Variants in FOXP2 observed in about 807,000 individuals in gnomAD.
The protein encoded by FOXP2 is forkhead box P2.
A neutral mutation model predicts 115.8 loss-of-function variants in FOXP2; 12 were observed. The ratio of observed to expected loss-of-function variants is 0.10; its 90% CI spans 0.07 to 0.17. The LOEUF is 0.17. Ranked by LOEUF, FOXP2 falls within the 10% of genes least tolerant of loss-of-function variation. The pLI is 1.00. For synonymous variants in FOXP2, 328 were observed against 297.7 expected (o/e 1.10, Z -1.05); for missense variants, 629 against 843.5 (o/e 0.75, Z 3.15).
At chr7:114,120,467 G>A (rs941592173) in intron 1 of FOXP2, among the ~76,000 whole-genome samples, 1 of 152,092 alleles carries the variant, frequency 6.6e-6, no homozygotes, top group Non-Finnish European at 1.5e-5. Context: ...GAAAACGAGA[G>A]TATGGTAAGA....
intron 2 of FOXP2, among the ~76,000 whole-genome samples, chr7:114,453,868 C>A (rs1212294600): frequency 6.6e-6 from 1 of 152,014 alleles, no homozygotes; most frequent in Non-Finnish European, 1.5e-5. Flanking sequence ...AAAATCAATT[C>A]AAGATGGATT....
chr7:114,313,724 G>T, intron 2 of FOXP2, among the ~76,000 whole-genome samples: 1 of 43,870 alleles, frequency 2.3e-5, no homozygotes, highest in Non-Finnish European at 3.6e-5. Context: ...CAGCCTGGGC[G>T]ACAGAGCGAG....
intron 2 of FOXP2, chr7:114,499,029 C>G: frequency 2.9e-6 from 2 of 700,704 alleles, no homozygotes; most frequent in Admixed American, 4.1e-5. Context: ...TGCACATTCT[C>G]AGGCCACTCC....
chr7:114,663,657 T>C, intron 15 of FOXP2, 138 bp downstream of exon 15: 2 of 701,380 alleles, frequency 2.9e-6, no homozygotes, highest in Non-Finnish European at 2.5e-6. Flanking sequence ...CCTAGTACTA[T>C]AGACAGCACT....
intron 1 of FOXP2, among the ~76,000 whole-genome samples, chr7:114,204,055 T>G (rs1201967020): frequency 1.3e-5 from 2 of 152,072 alleles, no homozygotes; most frequent in East Asian, 3.9e-4. Flanking sequence ...TTTAAACAAA[T>G]TTTTTTTCTG....
chr7:114,660,063 T>C (rs1260483696), intron 13 of FOXP2, among the ~76,000 whole-genome samples: 1 of 152,212 alleles, frequency 6.6e-6, no homozygotes, highest in African/African-American at 2.4e-5. Context: ...TGTCTTGGTC[T>C]GCGCCTTTTG....
At chr7:114,202,684 C>A (rs1004008570) in intron 1 of FOXP2, among the ~76,000 whole-genome samples, 2 of 152,074 alleles carry the variant, frequency 1.3e-5, no homozygotes, top group African/African-American at 4.8e-5. Flanking sequence ...TTAAATCATG[C>A]CTTTGTGCTA....
intron 1 of FOXP2, among the ~76,000 whole-genome samples, chr7:114,184,227 C>T (rs908662284): frequency 2.0e-5 from 3 of 152,048 alleles, no homozygotes; most frequent in Non-Finnish European, 2.9e-5. Context: ...ATGCCCATTT[C>T]TGAGTTGGTT....
chr7:114,208,766 C>G (rs931114992), intron 1 of FOXP2, among the ~76,000 whole-genome samples: 4 of 152,054 alleles, frequency 2.6e-5, no homozygotes, highest in Admixed American at 1.3e-4. Context: ...GAGTTTTCCT[C>G]CACAAGCTCT....
At chr7:114,349,450 A>G (rs1038538939) in intron 2 of FOXP2, among the ~76,000 whole-genome samples, 1 of 152,128 alleles carries the variant, frequency 6.6e-6, no homozygotes, top group African/African-American at 2.4e-5. Flanking sequence ...AAATATCCAG[A>G]GCCAGTATTT....
Position 114,658,153 on chromosome 7 carries a change from G to A in FOXP2, c.1354G>A (p.Ala452Thr), listed in dbSNP as rs1806686875. 1.2e-6 allele frequency: 2 copies of A among 1,613,728 alleles called. No individual in the cohort carries two copies. The highest frequency in any genetic ancestry group is 1.7e-5 in the Admixed American group (1 of 59,976). Reference sequence around the variant, plus strand: ...ACCTCAAACCCCTACCACACCAACGGCCCCAGTCACCCCGATTACCCAGGG... The same window carrying A: ...ACCTCAAACCCCTACCACACCAACGACCCCAGTCACCCCGATTACCCAGGG... ...SLPQTPTTPT[A>T]PVTPITQGPS... is the part of the protein sequence containing the mutation. The change falls in exon 11 of 17, where the codon GCC becomes ACC. Residue 452 changes from alanine (A) to threonine (T), a missense_variant. Around this residue, in one of 9 missense-constraint regions of FOXP2, gnomAD observed 101 missense variants for 116.0 expected, o/e 0.87. Transcript: ENST00000350908.
chr7:114,229,545 A>G (rs975291343), intron 1 of FOXP2, among the ~76,000 whole-genome samples: 12 of 151,730 alleles, frequency 7.9e-5, no homozygotes, highest in African/African-American at 1.9e-4. Flanking sequence ...AATACCAAAT[A>G]TCTTTTCTGA....
intron 16 of FOXP2, among the ~76,000 whole-genome samples, chr7:114,688,226 CACACACACACA>C (rs1808473650): frequency 8.6e-6 from 1 of 115,802 alleles, no homozygotes; most frequent in Non-Finnish European, 2.1e-5. Context: ...CACACACACA[CACACACACACA>C]CACACACACA....
intron 1 of FOXP2, among the ~76,000 whole-genome samples, chr7:114,283,853 T>C (rs1188982009): frequency 1.3e-5 from 2 of 151,880 alleles, no homozygotes; most frequent in Non-Finnish European, 1.5e-5. Context: ...TCCCAGCTAC[T>C]TGTGGGGGCT....
intron 2 of FOXP2, among the ~76,000 whole-genome samples, chr7:114,406,712 G>A (rs1262278945): frequency 6.6e-6 from 1 of 151,928 alleles, no homozygotes; most frequent in Non-Finnish European, 1.5e-5. Flanking sequence ...TTTCTAGAGA[G>A]AGGAAGAGTA....
intron 1 of FOXP2, among the ~76,000 whole-genome samples, chr7:114,246,953 T>C (rs1203346209): frequency 3.9e-5 from 6 of 152,218 alleles, no homozygotes; most frequent in Non-Finnish European, 8.8e-5. Context: ...AATTGTCTTT[T>C]CAGGACTATA....
chr7:114,491,689 T>C (rs1405541376), intron 2 of FOXP2, among the ~76,000 whole-genome samples: 1 of 152,160 alleles, frequency 6.6e-6, no homozygotes, highest in Non-Finnish European at 1.5e-5. Flanking sequence ...TTGTCATTGG[T>C]TCTGTTTATA....
intron 1 of FOXP2, among the ~76,000 whole-genome samples, chr7:114,282,108 A>G (rs1298746791): frequency 1.3e-5 from 2 of 152,204 alleles, no homozygotes; most frequent in Non-Finnish European, 2.9e-5. Flanking sequence ...TCAGTACTCT[A>G]CAAAGATATT....
chr7:114,658,116 C>T lies in FOXP2; in HGVS notation c.1317C>T (p.Ser439=). 6.2e-7 allele frequency: 1 copy of T among 1,613,878 alleles called. No individual in the cohort carries two copies. Among genetic ancestry groups the T allele is most frequent in the South Asian group, 1.1e-5 (1 of 91,080 alleles). The change falls in exon 11 of 17, where the codon TCC becomes TCT. Residue 439 remains serine, a synonymous_variant. Coordinates refer to ENST00000350908, the MANE Select transcript of FOXP2 (RefSeq NM_014491.4). ...TGTCGAAGAATATGTTGGAGACATC[C>T]CCACAGAGCTTACCTCAAACCCCTA... ...VTMSKNMLET[S]PQSLPQTPTT... is the part of the protein sequence containing the mutation.
Sources: gnomAD v4.1 joint callset for allele counts (sites outside exome capture counted in the v4.1 genomes callset) on GRCh38, gnomAD v4.1.1 for gene constraint, gnomAD v4.1.1 regional missense constraint, MANE v1.5 for transcripts, NCBI Gene and HGNC (gene_info 2026-07-23, HGNC 2026-07-21) for gene names.